SEC22A: variants seen among roughly 807,000 people sequenced by gnomAD.
SEC22A encodes the protein SEC22 homolog A, vesicle trafficking protein.
A neutral mutation model predicts 35.3 loss-of-function variants in SEC22A; 22 were observed. That is an observed-to-expected ratio of 0.62 (90% confidence interval 0.45 to 0.89). The LOEUF (loss-of-function observed/expected upper bound fraction) is 0.89, where lower values mean the gene tolerates loss of function less well. SEC22A is among the 40% of genes least tolerant of loss of function. The probability of loss-of-function intolerance (pLI) is 0.00; values close to 1 mark genes in which losing one functional copy is unlikely to be tolerated. For missense variants in SEC22A, 354 were observed against 362.5 expected, an observed-to-expected ratio of 0.98 and a Z score of 0.19; for synonymous variants, 119 against 129.5, an observed-to-expected ratio of 0.92 and a Z score of 0.55.
chr3:123,225,328 A>T (rs761082161), intron 4 of SEC22A, 31 bp downstream of exon 4: 17 of 1,390,264 alleles, frequency 1.2e-5, no homozygotes, highest in East Asian at 2.3e-5. Context: ...ATTTTATTTT[A>T]AAAAAATCCT....
At chr3:123,224,098 G>C (rs1288379242) in intron 3 of SEC22A, among the ~76,000 whole-genome samples, 1 of 152,092 alleles carries the variant, frequency 6.6e-6, no homozygotes, top group Non-Finnish European at 1.5e-5. Context: ...AGACTTTAAG[G>C]ATCATATAGT....
At chr3:123,223,461 C>T (rs913643265) in intron 2 of SEC22A, 98 bp from the exon 3 acceptor site, 22 of 876,310 alleles carry the variant, frequency 2.5e-5, no homozygotes, top group African/African-American at 5.1e-5. Context: ...TCATTGCCAC[C>T]GTAGTAGCAG....
chr3:123,249,593 C>T (rs750452093), intron 5 of SEC22A, among the ~76,000 whole-genome samples: 25 of 152,146 alleles, frequency 1.6e-4, no homozygotes, highest in African/African-American at 4.1e-4. Context: ...GGCATGGTTT[C>T]GGCTCACTGC....
intron 5 of SEC22A, among the ~76,000 whole-genome samples, chr3:123,248,763 A>G (rs894288711): frequency 6.6e-6 from 1 of 152,242 alleles, no homozygotes. Context: ...GATGCGTTGT[A>G]TAGGGAAAAA....
chr3:123,256,994 C>T (rs575578983), intron 5 of SEC22A, among the ~76,000 whole-genome samples: 5 of 151,946 alleles, frequency 3.3e-5, no homozygotes, highest in South Asian at 2.1e-4. Flanking sequence ...ATCCTGACCT[C>T]GTGATCTGCC....
intron 5 of SEC22A, among the ~76,000 whole-genome samples, chr3:123,254,932 G>C (rs1937688129): frequency 7.4e-6 from 1 of 135,946 alleles, no homozygotes; most frequent in Non-Finnish European, 1.5e-5. Context: ...CCCTTCCTGT[G>C]TCCAAGTGTT....
At chr3:123,234,994 G>C (rs1937390914) in intron 4 of SEC22A, among the ~76,000 whole-genome samples, 1 of 150,340 alleles carries the variant, frequency 6.7e-6, no homozygotes, top group African/African-American at 2.5e-5. Flanking sequence ...CTGCACTCCA[G>C]CCTGGGCAAC....
intron 6 of SEC22A, among the ~76,000 whole-genome samples, chr3:123,267,370 AT>A (rs1938050791): frequency 6.7e-6 from 1 of 150,332 alleles, no homozygotes; most frequent in Non-Finnish European, 1.5e-5. Flanking sequence ...TTTTTAGTGT[AT>A]CTATTTGTAT....
intron 3 of SEC22A, among the ~76,000 whole-genome samples, chr3:123,224,021 T>C (rs28446796): frequency 0.2 from 29,831 of 152,138 alleles, 3,033 homozygotes; most frequent in Middle Eastern, 0.28. Context: ...TAATCTTTTA[T>C]AGTCTGCTTC....
At chr3:123,234,581 C>T (rs1341417986) in intron 4 of SEC22A, among the ~76,000 whole-genome samples, 1 of 151,440 alleles carries the variant, frequency 6.6e-6, no homozygotes, top group Non-Finnish European at 1.5e-5. Flanking sequence ...AAGTTGGACC[C>T]CTACCTCAAA....
At position 123,271,803 on chromosome 3, in the gene SEC22A, G is replaced by A; in HGVS notation, c.*81G>A. ...ATAACTGCACTGTGATGAAGAAGCT[G>A]TTCCCCACAGAGGAGAAGCTCTGCT... On this transcript the variant is annotated 3_prime_UTR_variant, in exon 7 of 7. Coordinates refer to ENST00000492595, the MANE Select transcript of SEC22A (RefSeq NM_012430.5). 6.9e-6 allele frequency: 8 copies of A among 1,158,168 alleles called. No individual in the cohort carries two copies. The South Asian group carries it at 9.5e-5, about 14-fold the overall frequency. 71.7% of individuals were successfully genotyped at this position (1,158,168 alleles called of 1,614,324 possible). A position where few individuals can be genotyped will look rare whatever the true frequency, so the allele number is the denominator to read the frequency against.
intron 6 of SEC22A, among the ~76,000 whole-genome samples, chr3:123,263,875 T>C (rs1426500859): frequency 6.6e-6 from 1 of 151,974 alleles, no homozygotes; most frequent in African/African-American, 2.4e-5. Context: ...TTTTTATTGC[T>C]GAGTAGTATT....
At chr3:123,249,055 A>T (rs965493130) in intron 5 of SEC22A, among the ~76,000 whole-genome samples, 1 of 152,234 alleles carries the variant, frequency 6.6e-6, no homozygotes, top group African/African-American at 2.4e-5. Flanking sequence ...TCAATAATCT[A>T]CTAGAATGGT....
At chr3:123,258,871 A>G (rs549417264) in intron 5 of SEC22A, among the ~76,000 whole-genome samples, 1 of 152,262 alleles carries the variant, frequency 6.6e-6, no homozygotes, top group South Asian at 2.1e-4. Flanking sequence ...AAGAACCAAA[A>G]AGGCATAGGA....
chr3:123,262,555 T>G (rs1385730339), intron 6 of SEC22A, among the ~76,000 whole-genome samples: 1 of 152,250 alleles, frequency 6.6e-6, no homozygotes, highest in East Asian at 1.9e-4. Flanking sequence ...ATGACCATTC[T>G]GGTTTTCAGC....
intron 6 of SEC22A, among the ~76,000 whole-genome samples, chr3:123,267,427 C>T (rs1035888885): frequency 6.6e-6 from 1 of 152,022 alleles, no homozygotes. Flanking sequence ...ACATACTTAA[C>T]TCTTCATGGT....
intron 6 of SEC22A, among the ~76,000 whole-genome samples, chr3:123,260,627 C>T (rs1194654824): frequency 6.6e-6 from 1 of 152,104 alleles, no homozygotes; most frequent in African/African-American, 2.4e-5. Context: ...GCAAGCAAGG[C>T]TTTTTGACCT....
At chr3:123,248,432 T>C (rs2108080970) in intron 5 of SEC22A, among the ~76,000 whole-genome samples, 1 of 152,328 alleles carries the variant, frequency 6.6e-6, no homozygotes, top group South Asian at 2.1e-4. Flanking sequence ...TGCTTTACTA[T>C]ATACCTACAA....
At chr3:123,213,423 G>T (rs1297659517) in intron 2 of SEC22A, among the ~76,000 whole-genome samples, 1 of 152,106 alleles carries the variant, frequency 6.6e-6, no homozygotes. Flanking sequence ...GCCTGAAATT[G>T]CCACCATGCT....
Sources: allele counts gnomAD v4.1 joint callset (sites outside exome capture counted in the v4.1 genomes callset), GRCh38; gene constraint gnomAD v4.1.1; transcripts MANE v1.5; gene names NCBI Gene and HGNC (gene_info 2026-07-23, HGNC 2026-07-21).